The following SDC1 variants were observed in gnomAD, a reference collection of about 807,000 sequenced individuals.
SDC1 encodes syndecan-1.
SDC1 carries 14 observed loss-of-function variants against 29.7 expected under a neutral mutation model. The observed-to-expected ratio is 0.47, with a 90% CI of 0.31 to 0.74. The LOEUF (loss-of-function observed/expected upper bound fraction) is 0.74. Ranked by LOEUF, SDC1 falls within the 30% of genes least tolerant of loss-of-function variation. The pLI, the probability that SDC1 is intolerant of heterozygous loss-of-function variation, is 0.05. For synonymous variants in SDC1, 204 were observed against 175.5 expected (o/e 1.16, Z -1.29); for missense variants, 406 against 400.3 (o/e 1.01, Z -0.12).
chr2:20,210,589 G>C (rs1677434486), intron 1 of SDC1, among the ~76,000 whole-genome samples: 1 of 152,222 alleles, frequency 6.6e-6, no homozygotes, highest in Non-Finnish European at 1.5e-5. Context: ...AAGGGAAGCT[G>C]ATCTGTCAGC....
intron 1 of SDC1, among the ~76,000 whole-genome samples, chr2:20,216,209 C>T (rs1677621798): frequency 6.6e-6 from 1 of 152,232 alleles, no homozygotes; most frequent in Admixed American, 6.5e-5. Context: ...GTGCTCTTCC[C>T]CCAGGCCCCA....
chr2:20,215,107 G>A (rs564619980), intron 1 of SDC1, among the ~76,000 whole-genome samples: 2 of 152,360 alleles, frequency 1.3e-5, no homozygotes, highest in Admixed American at 6.5e-5. Context: ...GAAGACAACA[G>A]CCATCATTTC....
chr2:20,214,667 C>T (rs895282215), intron 1 of SDC1, among the ~76,000 whole-genome samples: 5 of 152,196 alleles, frequency 3.3e-5, no homozygotes, highest in Non-Finnish European at 2.9e-5. Flanking sequence ...CTCAGCATGA[C>T]CCTAGGAAAG....
rs1439302975 is a variant in SDC1 at position 20,203,235 on chromosome 2, A to G, written c.628-13T>C. ...CAAAGGTGAAGTCCTGTGGGAGGGC[A>G]GGGGCAGATTGGGTTGGCCAGGTCA... On this transcript the variant is annotated splice_polypyrimidine_tract_variant and intron_variant, in intron 3 of 4. Coordinates refer to ENST00000254351, the MANE Select transcript of SDC1 (RefSeq NM_002997.5). 6.3e-7 allele frequency: 1 copy of G among 1,596,988 alleles called. No individual in the cohort carries two copies. The highest frequency in any genetic ancestry group is 8.6e-7 in the Non-Finnish European group (1 of 1,167,904).
intron 1 of SDC1, chr2:20,223,257 C>T (rs1167160792): frequency 7.7e-7 from 1 of 1,301,634 alleles, no homozygotes; most frequent in Non-Finnish European, 1.0e-6. Context: ...CTGTCCCTAC[C>T]TCATCTCCCA....
At chr2:20,208,895 G>T (rs535268995) in intron 1 of SDC1, among the ~76,000 whole-genome samples, 28 of 152,284 alleles carry the variant, frequency 1.8e-4, no homozygotes, top group Non-Finnish European at 3.7e-4. Context: ...TAAGATCTAG[G>T]CTTCCACTCA....
intron 1 of SDC1, chr2:20,223,225 TAC>T: frequency 7.7e-7 from 1 of 1,301,340 alleles, no homozygotes; most frequent in South Asian, 1.2e-5. Context: ...GAGGGCGCTT[TAC>T]ACATCGGTCT....
chr2:20,208,561 A>C (rs1156239918), intron 1 of SDC1, among the ~76,000 whole-genome samples: 2 of 152,192 alleles, frequency 1.3e-5, no homozygotes, highest in African/African-American at 4.8e-5. Context: ...GAAACTGCTG[A>C]GTTTGAACTT....
chr2:20,203,267 G>A (rs1439825596), intron 3 of SDC1, 45 bp from the exon 4 acceptor site: 4 of 1,563,686 alleles, frequency 2.6e-6, no homozygotes, highest in Admixed American at 3.5e-5. Flanking sequence ...GTCACCGCCA[G>A]CAGCAGCAAC....
chr2:20,208,202 C>T (rs564146999), intron 1 of SDC1: 3 of 806,154 alleles, frequency 3.7e-6, no homozygotes, highest in East Asian at 2.5e-4. Flanking sequence ...CCCAGTGAGA[C>T]CCAGGAACGC....
Position 20,224,559 on chromosome 2 carries a change from T to C in SDC1, c.66+243A>G, listed in dbSNP as rs1339059603. The stretch of plus-strand genomic sequence containing the variant: ...CAGATGTGGAGACGTTTTACATAAT[T>C]GAGCGCGGGGCCCCGGCCCCCCACC... On this transcript the variant is annotated intron_variant, in intron 1 of 4. Coordinates refer to ENST00000254351, the MANE Select transcript of SDC1 (RefSeq NM_002997.5). This position sits in a 1 kb window ranked among gnomAD's most constrained non-coding sequence, Gnocchi z 4.9. 6.6e-6 allele frequency among the ~76,000 whole-genome samples: 1 copy of C among 151,032 alleles called. No homozygotes were observed. Among genetic ancestry groups the C allele is most frequent in the Admixed American group, 6.6e-5 (1 of 15,218 alleles).
chr2:20,215,375 G>A (rs1677595913), intron 1 of SDC1, among the ~76,000 whole-genome samples: 1 of 152,250 alleles, frequency 6.6e-6, no homozygotes, highest in Non-Finnish European at 1.5e-5. Context: ...CTCAGGTCAG[G>A]AGGCAGCCCC....
chr2:20,218,269 G>C (rs1420478062), intron 1 of SDC1, among the ~76,000 whole-genome samples: 1 of 152,234 alleles, frequency 6.6e-6, no homozygotes, highest in Non-Finnish European at 1.5e-5. Context: ...GCCCGTCTCT[G>C]TAGGAATAAC....
At chr2:20,211,203 C>T (rs769844734) in intron 1 of SDC1, among the ~76,000 whole-genome samples, 3 of 152,158 alleles carry the variant, frequency 2.0e-5, no homozygotes, top group Admixed American at 1.3e-4. Flanking sequence ...TCGAGTTCCC[C>T]GCCCAGAGGC....
At chr2:20,202,974 C>A (rs1443811085) in intron 4 of SDC1, 39 bp from the exon 5 acceptor site, 2 of 1,583,866 alleles carry the variant, frequency 1.3e-6, no homozygotes, top group African/African-American at 1.3e-5. Context: ...CTCAGCGGCT[C>A]CTTGGGCTCT....
In SDC1 at chr2:20,207,908, C is replaced by A. The variant is rs192609608; in HGVS notation, c.67-2484G>T. On this transcript the variant is annotated intron_variant, in intron 1 of 4. Transcript: ENST00000254351. ...GCCCACCGGGGGATCACAGAGTGGG[C>A]ACCCCCACCCATACTCACTGGGATC... The A allele has an allele frequency of 2.0e-4, 191 of 973,408 alleles. No individual in the cohort carries two copies. In the African/African-American group the frequency reaches 3.2e-3, roughly 16 times the overall value. The allele number at this position is 973,408 out of a possible 1,614,324, so 60.3% of individuals were successfully genotyped here.
intron 1 of SDC1, among the ~76,000 whole-genome samples, chr2:20,207,085 C>A (rs1196601582): frequency 2.0e-5 from 3 of 152,222 alleles, no homozygotes; most frequent in Non-Finnish European, 4.4e-5. Context: ...GGCCACAGGC[C>A]CACGGGTCTC....
chr2:20,209,087 T>A (rs1393039825), intron 1 of SDC1, among the ~76,000 whole-genome samples: 1 of 152,136 alleles, frequency 6.6e-6, no homozygotes, highest in Non-Finnish European at 1.5e-5. Context: ...CATCTCCATC[T>A]CAGCCATGCT....
chr2:20,222,216 C>T (rs943712583), intron 1 of SDC1, among the ~76,000 whole-genome samples: 4 of 152,174 alleles, frequency 2.6e-5, no homozygotes, highest in Admixed American at 2.6e-4. Context: ...CCCATTCAGT[C>T]ACTCCTTGCT....
Sources: gnomAD v4.1 joint callset for allele counts (sites outside exome capture counted in the v4.1 genomes callset) on GRCh38, gnomAD v4.1.1 for gene constraint, Gnocchi (gnomAD v3.1) non-coding constraint, MANE v1.5 for transcripts, NCBI Gene and HGNC (gene_info 2026-07-23, HGNC 2026-07-21) for gene names.